SGCG: variants seen among roughly 807,000 people sequenced by gnomAD.
The protein encoded by SGCG is gamma-sarcoglycan.
A neutral mutation model predicts 29.3 loss-of-function variants in SGCG; 26 were observed. The ratio of observed to expected loss-of-function variants is 0.89; its 90% CI spans 0.65 to 1.23. SGCG has a LOEUF of 1.23. SGCG is among the 50% of genes most tolerant of loss of function. SGCG has a pLI of 0.00. For synonymous variants in SGCG, 145 were observed against 129.7 expected (o/e 1.12, Z -0.80); for missense variants, 353 against 356.0 (o/e 0.99, Z 0.07).
intron 4 of SGCG, among the ~76,000 whole-genome samples, chr13:23,259,260 G>C (rs1202993730): frequency 6.6e-6 from 1 of 152,084 alleles, no homozygotes; most frequent in Non-Finnish European, 1.5e-5. Context: ...CTTCTTCCTG[G>C]TTTAGTCTTG....
At chr13:23,247,783 TTA>T (rs1491377003) in intron 3 of SGCG, among the ~76,000 whole-genome samples, 2 of 86,310 alleles carry the variant, frequency 2.3e-5, no homozygotes, top group Admixed American at 1.4e-4. Flanking sequence ...TCATCTCTAT[TTA>T]AAAAAAAAAA....
chr13:23,235,852 A>G (rs1381686813), intron 3 of SGCG, among the ~76,000 whole-genome samples: 1 of 152,248 alleles, frequency 6.6e-6, no homozygotes, highest in Non-Finnish European at 1.5e-5. Flanking sequence ...GAAAAGAAAC[A>G]AAAGACTTAC....
chr13:23,170,659 A>G, the SGCG span: 1 of 152,302 alleles, frequency 6.6e-6, no homozygotes, highest in Admixed American at 6.5e-5. Context: ...CTCATGACAC[A>G]GCATGTCTGT....
chr13:23,214,272 T>C (rs947912117), intron 2 of SGCG, among the ~76,000 whole-genome samples: 1 of 152,188 alleles, frequency 6.6e-6, no homozygotes, highest in African/African-American at 2.4e-5. Flanking sequence ...TTTTAGTTGA[T>C]CAGAGAGATT....
rs67528585 is a variant in SGCG at position 23,320,597 on chromosome 13, C to CTTT, written c.579-25_579-23dup. On this transcript the variant is annotated intron_variant, in intron 6 of 7. Coordinates refer to ENST00000218867, the MANE Select transcript of SGCG (RefSeq NM_000231.3). Reference sequence around the variant, plus strand: ...ATTGCTGGAGTGGCTATTTTTAATACTTTTTTTTTTTTTTTTTGTGCTTCT... The same window carrying CTTT: ...ATTGCTGGAGTGGCTATTTTTAATACTTTTTTTTTTTTTTTTTTTTGTGCTTCT... The CTTT allele has an allele frequency of 5.7e-3, 7,557 of 1,316,512 alleles. 5 individuals are homozygous for CTTT. Among genetic ancestry groups the CTTT allele is most frequent in the African/African-American group, 0.015 (911 of 61,292 alleles). The allele number at this position is 1,316,512 out of a possible 1,614,324, so 81.6% of individuals were successfully genotyped here.
the SGCG span, among the ~76,000 whole-genome samples, chr13:23,171,760 C>G: frequency 6.6e-6 from 1 of 152,308 alleles, no homozygotes; most frequent in South Asian, 2.1e-4. Context: ...GGTTCACACT[C>G]CTATGAGAAT....
the SGCG span, among the ~76,000 whole-genome samples, chr13:23,166,191 T>C: frequency 6.6e-6 from 1 of 152,280 alleles, no homozygotes; most frequent in East Asian, 1.9e-4. Context: ...ACAAATTCTT[T>C]ATCAATTCTC....
chr13:23,274,893 G>T (rs1041808020), intron 4 of SGCG, among the ~76,000 whole-genome samples: 19 of 151,948 alleles, frequency 1.3e-4, no homozygotes, highest in African/African-American at 4.6e-4. Context: ...TAATGGCTAT[G>T]TAATATTTCA....
At chr13:23,172,548 C>T in the SGCG span, among the ~76,000 whole-genome samples, 150,431 of 152,334 alleles carry the variant, frequency 0.99, 74,310 homozygotes, top group Middle Eastern at 1. Flanking sequence ...CCTTAGTTCA[C>T]GTCTAAATTG....
intron 6 of SGCG, among the ~76,000 whole-genome samples, chr13:23,316,416 A>T (rs1295041033): frequency 6.6e-6 from 1 of 152,240 alleles, no homozygotes; most frequent in African/African-American, 2.4e-5. Context: ...CAGTGGGCTC[A>T]TGCTCATGGA....
intron 2 of SGCG, among the ~76,000 whole-genome samples, chr13:23,207,845 T>C (rs1878039890): frequency 6.6e-6 from 1 of 152,142 alleles, no homozygotes; most frequent in East Asian, 1.9e-4. Context: ...CGTGCACTGT[T>C]GATAAGAATG....
chr13:23,299,449 TATATATA>T (rs1204628168), intron 6 of SGCG, among the ~76,000 whole-genome samples: 4 of 35,458 alleles, frequency 1.1e-4, no homozygotes, highest in African/African-American at 2.7e-4. Flanking sequence ...TATATATATA[TATATATA>T]TTTTTTTTTT....
At chr13:23,282,653 G>A (rs9507066) in intron 5 of SGCG, among the ~76,000 whole-genome samples, 65,883 of 152,020 alleles carry the variant, frequency 0.43, 15,112 homozygotes, top group Middle Eastern at 0.65. Context: ...CCCTAGAAGG[G>A]CATGCATGAT....
At chr13:23,304,950 C>T (rs564438884) in intron 6 of SGCG, among the ~76,000 whole-genome samples, 3 of 152,012 alleles carry the variant, frequency 2.0e-5, no homozygotes, top group South Asian at 2.1e-4. Flanking sequence ...TGCACACATG[C>T]GTGCACGTGC....
the SGCG span, among the ~76,000 whole-genome samples, chr13:23,163,555 G>A: frequency 6.6e-6 from 1 of 152,172 alleles, no homozygotes; most frequent in Non-Finnish European, 1.5e-5. Flanking sequence ...TGTGGGCTTG[G>A]TTGCTTCAGG....
chr13:23,324,761 A>G lies in SGCG; in HGVS notation c.*220A>G. On this transcript the variant is annotated 3_prime_UTR_variant, in exon 8 of 8. Coordinates refer to ENST00000218867, the MANE Select transcript of SGCG (RefSeq NM_000231.3). ...GACACAAAAGTTGACAAAATGGAAA[A>G]GCAATGTGTTTTTCCACTGGATTAA... The G allele has an allele frequency of 1.8e-6, 1 of 567,776 alleles. No homozygotes were observed. Among genetic ancestry groups the G allele is most frequent in the Non-Finnish European group, 3.2e-6 (1 of 315,440 alleles). 35.2% of individuals were successfully genotyped at this position (567,776 alleles called of 1,614,324 possible). A position where few individuals can be genotyped will look rare whatever the true frequency, so the allele number is the denominator to read the frequency against.
At chr13:23,256,263 G>C (rs2137577904) in intron 4 of SGCG, among the ~76,000 whole-genome samples, 1 of 152,260 alleles carries the variant, frequency 6.6e-6, no homozygotes, top group East Asian at 1.9e-4. Flanking sequence ...AGCTCACATT[G>C]AGTCTCCAGC....
At chr13:23,223,276 C>CAAAAAAAAAAAAA (rs10569811) in intron 2 of SGCG, among the ~76,000 whole-genome samples, 1 of 103,828 alleles carries the variant, frequency 9.6e-6, no homozygotes, top group African/African-American at 3.7e-5. Flanking sequence ...GACTCTGTCA[C>CAAAAAAAAAAAAA]AAAAAAAAAA....
At chr13:23,234,588 T>A in intron 2 of SGCG, 23 bp from the exon 3 acceptor site, 1 of 1,481,856 alleles carries the variant, frequency 6.7e-7, no homozygotes, top group Non-Finnish European at 9.4e-7. Context: ...ATATACGCAT[T>A]GTCTCTTTTT....
Sources: allele counts gnomAD v4.1 joint callset (sites outside exome capture counted in the v4.1 genomes callset), GRCh38; gene constraint gnomAD v4.1.1; transcripts MANE v1.5; gene names NCBI Gene and HGNC (gene_info 2026-07-23, HGNC 2026-07-21).